Variants in ROR2 observed in about 807,000 individuals in gnomAD.
The protein encoded by ROR2 is ROR family WNT receptor 2.
Under a neutral mutation model 74.9 loss-of-function variants are expected in ROR2, and 33 were observed. The ratio of observed to expected loss-of-function variants is 0.44; its 90% confidence interval spans 0.33 to 0.59. The LOEUF (loss-of-function observed/expected upper bound fraction) is 0.59. Among genes scored for constraint, ROR2 ranks in the 20% least tolerant of loss-of-function variants. The probability of loss-of-function intolerance (pLI) is 0.02; values close to 1 mark genes in which losing one functional copy is unlikely to be tolerated. For synonymous variants in ROR2, 586 were observed against 558.7 expected, an observed-to-expected ratio of 1.05 and a Z score of -0.69; for missense variants, 1,216 against 1,313.8, an observed-to-expected ratio of 0.93 and a Z score of 1.15.
intron 1 of ROR2, among the ~76,000 whole-genome samples, chr9:91,821,321 G>A (rs982265128): frequency 2.6e-5 from 4 of 152,148 alleles, no homozygotes; most frequent in African/African-American, 9.7e-5. Flanking sequence ...ACAGCAGCCT[G>A]TGCAAATAAA....
chr9:91,934,711 TAAAA>T (rs1564049867), intron 1 of ROR2, among the ~76,000 whole-genome samples: 1 of 152,074 alleles, frequency 6.6e-6, no homozygotes, highest in African/African-American at 2.4e-5. Context: ...ATTATTTTCT[TAAAA>T]AGAAAGAAAA....
chr9:91,782,639 G>A (rs796232979), intron 1 of ROR2, among the ~76,000 whole-genome samples: 1 of 148,380 alleles, frequency 6.7e-6, no homozygotes, highest in South Asian at 2.2e-4. Context: ...AAGTTGTGTT[G>A]GGCTGCATTC....
intron 1 of ROR2, among the ~76,000 whole-genome samples, chr9:91,926,938 C>T (rs1460393717): frequency 6.6e-6 from 1 of 152,142 alleles, no homozygotes; most frequent in Non-Finnish European, 1.5e-5. Context: ...GATGGCTGCA[C>T]AGCAACGTGA....
rs142310030 is a variant in ROR2, at chr9:91,906,115, G to A, written c.97+43752C>T. On this transcript the variant is annotated intron_variant, in intron 1 of 8. Transcript: ENST00000375708. ...CACCAAAACCCTGAGAGGCGTCAGC[G>A]TCCCTGAAGCTCCCGTGGCCAGGCT... Among the ~76,000 whole-genome samples, 693 of 152,192 alleles carry A rather than the reference G, an allele frequency of 4.6e-3. 2 individuals are homozygous for A. Among genetic ancestry groups the A allele is most frequent in the African/African-American group, 0.016 (667 of 41,514 alleles).
chr9:91,735,360 C>G (rs1050134707), intron 5 of ROR2, among the ~76,000 whole-genome samples: 1 of 152,140 alleles, frequency 6.6e-6, no homozygotes, highest in Non-Finnish European at 1.5e-5. Flanking sequence ...AAAAGCCACC[C>G]ACCTAGAAAA....
intron 2 of ROR2, among the ~76,000 whole-genome samples, chr9:91,767,217 G>A (rs982017800): frequency 2.6e-5 from 4 of 152,068 alleles, no homozygotes; most frequent in Non-Finnish European, 5.9e-5. Context: ...TGGGATTATA[G>A]GCATGCACCA....
intron 7 of ROR2, among the ~76,000 whole-genome samples, chr9:91,730,603 G>T (rs1301931426): frequency 6.6e-6 from 1 of 152,152 alleles, no homozygotes; most frequent in African/African-American, 2.4e-5. Flanking sequence ...TGGGATTACA[G>T]GCATGTGCCA....
chr9:91,926,703 C>A (rs550273835), intron 1 of ROR2, among the ~76,000 whole-genome samples: 1 of 151,400 alleles, frequency 6.6e-6, no homozygotes, highest in South Asian at 2.1e-4. Context: ...TCCGGGTGAA[C>A]CCTGATGAAA....
intron 1 of ROR2, among the ~76,000 whole-genome samples, chr9:91,849,003 T>C (rs1167425062): frequency 6.6e-6 from 1 of 152,094 alleles, no homozygotes; most frequent in East Asian, 1.9e-4. Flanking sequence ...CAGGGAAACA[T>C]TCCCCAGCCC....
chr9:91,754,845 A>C (rs925169215), intron 4 of ROR2, among the ~76,000 whole-genome samples: 2 of 152,156 alleles, frequency 1.3e-5, no homozygotes, highest in African/African-American at 4.8e-5. Flanking sequence ...CTCAGCACAG[A>C]ATCTTCCCAA....
chr9:91,765,007 T>G (rs1826018687), intron 2 of ROR2, among the ~76,000 whole-genome samples: 1 of 152,238 alleles, frequency 6.6e-6, no homozygotes, highest in Non-Finnish European at 1.5e-5. Context: ...TTGTCTATCA[T>G]TAATAGTAAA....
At chr9:91,875,036 A>C (rs1829917720) in intron 1 of ROR2, among the ~76,000 whole-genome samples, 1 of 152,220 alleles carries the variant, frequency 6.6e-6, no homozygotes, top group African/African-American at 2.4e-5. Flanking sequence ...ACGGACACTT[A>C]CATGATCTAA....
At chr9:91,753,482 T>C (rs1825650731) in intron 4 of ROR2, among the ~76,000 whole-genome samples, 1 of 152,238 alleles carries the variant, frequency 6.6e-6, no homozygotes, top group Non-Finnish European at 1.5e-5. Context: ...CCTTTGACGT[T>C]GTCGGGAAAG....
intron 4 of ROR2, among the ~76,000 whole-genome samples, chr9:91,738,868 C>G (rs1341681637): frequency 1.3e-5 from 2 of 152,184 alleles, no homozygotes; most frequent in Non-Finnish European, 2.9e-5. Context: ...TAATCCTTTC[C>G]CAGGTCCCCA....
In ROR2 at chr9:91,774,004, C is replaced by T. The variant is rs146364601; in HGVS notation, c.175+1737G>A. Among the ~76,000 whole-genome samples, 30 of 152,372 alleles carry T rather than the reference C, an allele frequency of 2.0e-4. No individual in the cohort carries two copies. In the East Asian group the frequency reaches 5.8e-3, roughly 29 times the overall value. ...ACAGCAGAGAGCACAGTTCAGCCAA[C>T]ACGTCCTAGGATCTTGCGCAGAGCC... On this transcript the variant is annotated intron_variant, in intron 2 of 8. Transcript: ENST00000375708.
chr9:91,726,821 A>C (rs1163022353), intron 7 of ROR2, 78 bp from the exon 8 acceptor site: 4 of 1,391,700 alleles, frequency 2.9e-6, no homozygotes, highest in East Asian at 2.3e-5. Flanking sequence ...CCCACTCTCC[A>C]CCTCCAGCCA....
At chr9:91,817,644 C>G (rs1176251033) in intron 1 of ROR2, among the ~76,000 whole-genome samples, 1 of 152,174 alleles carries the variant, frequency 6.6e-6, no homozygotes, top group African/African-American at 2.4e-5. Context: ...GAGCAGCACC[C>G]CCTTCGCCTG....
rs2093210757 is a variant in ROR2, at chr9:91,905,128, C to T, written c.97+44739G>A. On this transcript the variant is annotated intron_variant, in intron 1 of 8. Coordinates refer to ENST00000375708, the MANE Select transcript of ROR2 (RefSeq NM_004560.4). The surrounding 1 kb of genome is among the most constrained non-coding windows in gnomAD (Gnocchi z 5.3). ...TACACCACAAACCACATATCACACA[C>T]ACACCCCCCACACAAATATCACACA... 6.6e-6 allele frequency among the ~76,000 whole-genome samples: 1 copy of T among 151,604 alleles called. No individual in the cohort carries two copies. Among genetic ancestry groups the T allele is most frequent in the African/African-American group, 2.4e-5 (1 of 41,222 alleles).
chr9:91,789,120 A>G (rs1179253697), intron 1 of ROR2, among the ~76,000 whole-genome samples: 1 of 152,180 alleles, frequency 6.6e-6, no homozygotes, highest in Non-Finnish European at 1.5e-5. Flanking sequence ...TACCACAATG[A>G]AATAATAAAT....
Sources: gnomAD v4.1 joint callset for allele counts (sites outside exome capture counted in the v4.1 genomes callset) on GRCh38, gnomAD v4.1.1 for gene constraint, Gnocchi (gnomAD v3.1) non-coding constraint, MANE v1.5 for transcripts, NCBI Gene and HGNC (gene_info 2026-07-23, HGNC 2026-07-21) for gene names.